Variants in PDE2A observed in about 807,000 individuals in gnomAD.
PDE2A encodes the protein cGMP-dependent 3',5'-cyclic phosphodiesterase.
PDE2A carries 53 observed loss-of-function variants against 133.6 expected under a neutral mutation model. The observed-to-expected ratio is 0.40, with a 90% CI of 0.32 to 0.50. The LOEUF (loss-of-function observed/expected upper bound fraction) is 0.50. Ranked by LOEUF, PDE2A falls within the 20% of genes least tolerant of loss-of-function variation. The probability of loss-of-function intolerance (pLI) is 0.73; values close to 1 mark genes in which losing one functional copy is unlikely to be tolerated. For missense variants in PDE2A, 796 were observed against 1,232.4 expected (o/e 0.65, Z 5.30); for synonymous variants, 491 against 490.2 (o/e 1.00, Z -0.02).
At chr11:72,613,996 G>A (rs1857342179) in intron 2 of PDE2A, among the ~76,000 whole-genome samples, 1 of 152,246 alleles carries the variant, frequency 6.6e-6, no homozygotes, top group South Asian at 2.1e-4. Context: ...CCCAAAGGAG[G>A]CATCCTGTAG....
chr11:72,617,024 G>A (rs1437990617), intron 2 of PDE2A, among the ~76,000 whole-genome samples: 1 of 152,346 alleles, frequency 6.6e-6, no homozygotes, highest in East Asian at 1.9e-4. Context: ...TCTGGAGCCA[G>A]GAGACCCATG....
intron 2 of PDE2A, among the ~76,000 whole-genome samples, chr11:72,614,355 A>G (rs57883476): frequency 0.014 from 2,087 of 152,318 alleles, 55 homozygotes; most frequent in African/African-American, 0.048. Flanking sequence ...CTTAGTCTGA[A>G]GGAGGAGGCA....
Position 72,579,517 on chromosome 11 carries a change from AC to A in PDE2A, c.2256+16del, listed in dbSNP as rs1855619612. 3 of 897,180 alleles carry A rather than the reference AC, an allele frequency of 3.3e-6. No homozygotes were observed. Among genetic ancestry groups the A allele is most frequent in the Non-Finnish European group, 3.3e-6 (2 of 613,250 alleles). 55.6% of individuals were successfully genotyped at this position (897,180 alleles called of 1,614,324 possible). A position where few individuals can be genotyped will look rare whatever the true frequency, so the allele number is the denominator to read the frequency against. On this transcript the variant is annotated intron_variant, in intron 26 of 30. Transcript: ENST00000334456. ...CCAGCTCCCCCTCAATCCCCACCCC[AC>A]CCCCAACCCCATCACCTTCCGGGAG...
chr11:72,625,566 G>C (rs1447054586), intron 2 of PDE2A, among the ~76,000 whole-genome samples: 2 of 152,216 alleles, frequency 1.3e-5, no homozygotes, highest in Non-Finnish European at 2.9e-5. Flanking sequence ...GGAAAAGGCA[G>C]CCTGAGGAGG....
Position 72,597,402 on chromosome 11 carries a change from G to C in PDE2A, c.433+108C>G. The C allele has an allele frequency of 1.5e-6, 1 of 649,336 alleles. No individual in the cohort carries two copies. The highest frequency in any genetic ancestry group is 4.1e-4 in the Middle Eastern group (1 of 2,430). The allele number at this position is 649,336 out of a possible 1,614,324, so 40.2% of individuals were successfully genotyped here. A position where few individuals can be genotyped will look rare whatever the true frequency, so the allele number is the denominator to read the frequency against. On this transcript the variant is annotated intron_variant, in intron 5 of 30. Transcript: ENST00000334456. The surrounding 1 kb of genome is among the most constrained non-coding windows in gnomAD (Gnocchi z 4.6). Reference sequence around the variant, plus strand: ...TGCTAGAGACACAGAGCAAGAGAAAGAAGGAGACAGAGATGAAGAGGAATA... The same window carrying C: ...TGCTAGAGACACAGAGCAAGAGAAACAAGGAGACAGAGATGAAGAGGAATA...
chr11:72,582,302 A>T (rs1855758514), intron 21 of PDE2A, 142 bp downstream of exon 21: 2 of 809,946 alleles, frequency 2.5e-6, no homozygotes, highest in East Asian at 2.7e-5. Context: ...ATGGCAGACT[A>T]CAAGCCCCTC....
intron 4 of PDE2A, among the ~76,000 whole-genome samples, chr11:72,599,340 G>T (rs1382649827): frequency 6.6e-6 from 1 of 151,844 alleles, no homozygotes; most frequent in Admixed American, 6.6e-5. Context: ...GATACCCAAA[G>T]GCCACCTGGA....
At chr11:72,586,556 G>T (rs919959436) in intron 13 of PDE2A, among the ~76,000 whole-genome samples, 2 of 152,218 alleles carry the variant, frequency 1.3e-5, no homozygotes, top group African/African-American at 4.8e-5. Context: ...ATCTTGTGCA[G>T]CTCCTGTCAC....
At chr11:72,586,030 C>T (rs748911788) in intron 14 of PDE2A, 40 bp downstream of exon 14, 5 of 1,195,880 alleles carry the variant, frequency 4.2e-6, no homozygotes, top group East Asian at 2.5e-5. Context: ...GAAAACTGAG[C>T]GAGTCGGTGC....
intron 1 of PDE2A, among the ~76,000 whole-genome samples, chr11:72,651,003 C>G (rs1312292695): frequency 2.0e-5 from 3 of 151,956 alleles, no homozygotes; most frequent in African/African-American, 7.3e-5. Context: ...GACCAAGGCC[C>G]CATACTCTGA....
chr11:72,620,664 C>T (rs1857714810), intron 2 of PDE2A, among the ~76,000 whole-genome samples: 1 of 152,184 alleles, frequency 6.6e-6, no homozygotes. Context: ...CCCACCCTCC[C>T]GACCGGGACC....
intron 2 of PDE2A, among the ~76,000 whole-genome samples, chr11:72,633,522 C>T (rs1309118451): frequency 6.6e-6 from 1 of 152,130 alleles, no homozygotes; most frequent in Non-Finnish European, 1.5e-5. Context: ...GTGTGTGAGG[C>T]CTGACAGGAA....
chr11:72,660,391 CAGG>C (rs2135457239), intron 1 of PDE2A, among the ~76,000 whole-genome samples: 1 of 152,294 alleles, frequency 6.6e-6, no homozygotes, highest in East Asian at 1.9e-4. Context: ...GGTGCTCACA[CAGG>C]AGGTGTTTGT....
At position 72,590,612 on chromosome 11, in the gene PDE2A, C is replaced by G; in HGVS notation, c.550-32G>C. ...CAGGCCGAGCGGTTAGCGCGCCGCT[C>G]GCCCCAAGCTCGCTGCGCTTGCTGC... On this transcript the variant is annotated intron_variant, in intron 7 of 30. Coordinates refer to ENST00000334456, the MANE Select transcript of PDE2A (RefSeq NM_002599.5). The surrounding 1 kb of genome is among the most constrained non-coding windows in gnomAD (Gnocchi z 4.8). 1 of 1,347,590 alleles carries G rather than the reference C, an allele frequency of 7.4e-7. No homozygotes were observed. Among genetic ancestry groups the G allele is most frequent in the South Asian group, 1.9e-5 (1 of 53,188 alleles). The allele number at this position is 1,347,590 out of a possible 1,614,324, so 83.5% of individuals were successfully genotyped here. A position where few individuals can be genotyped will look rare whatever the true frequency, so the allele number is the denominator to read the frequency against.
At chr11:72,596,520 TG>T in intron 6 of PDE2A, 72 bp downstream of exon 6, 1 of 499,480 alleles carries the variant, frequency 2.0e-6, no homozygotes, top group Non-Finnish European at 3.1e-6. Context: ...ACACACACCC[TG>T]GACAGGCTCC....
At chr11:72,598,161 T>A (rs937352624) in intron 4 of PDE2A, among the ~76,000 whole-genome samples, 2 of 152,148 alleles carry the variant, frequency 1.3e-5, no homozygotes, top group East Asian at 1.9e-4. Flanking sequence ...TCCCAGCAAT[T>A]CTATGAATTA....
At chr11:72,639,511 C>A (rs928819118) in intron 2 of PDE2A, among the ~76,000 whole-genome samples, 2 of 152,170 alleles carry the variant, frequency 1.3e-5, no homozygotes, top group Non-Finnish European at 2.9e-5. Context: ...CCAACAGGCG[C>A]CACCAAAGAC....
rs904759310 is a variant in PDE2A at position 72,591,285 on chromosome 11, A to C, written c.549+12T>G. On this transcript the variant is annotated intron_variant, in intron 7 of 30. Coordinates refer to ENST00000334456, the MANE Select transcript of PDE2A (RefSeq NM_002599.5). ...CTTCAGCCTCATTGCACATGGCCCC[A>C]CTCCCACTCACATGCTTCTCCACCG... 6.2e-7 allele frequency: 1 copy of C among 1,608,972 alleles called. No individual in the cohort carries two copies.
intron 2 of PDE2A, among the ~76,000 whole-genome samples, chr11:72,630,316 T>C (rs1305221735): frequency 6.6e-6 from 1 of 151,738 alleles, no homozygotes; most frequent in Non-Finnish European, 1.5e-5. Context: ...GAAAACAGGG[T>C]GCTCGTGGCA....
Sources: allele counts gnomAD v4.1 joint callset (sites outside exome capture counted in the v4.1 genomes callset), GRCh38; gene constraint gnomAD v4.1.1; non-coding constraint Gnocchi (gnomAD v3.1); transcripts MANE v1.5; gene names NCBI Gene and HGNC (gene_info 2026-07-23, HGNC 2026-07-21).